Variants in IRAK4 observed in about 807,000 individuals in gnomAD.
IRAK4 encodes interleukin-1 receptor-associated kinase 4.
A neutral mutation model predicts 51.8 loss-of-function variants in IRAK4; 44 were observed. That is an observed-to-expected ratio of 0.85 (90% CI 0.67 to 1.09). IRAK4 has a LOEUF of 1.09. Among genes scored for constraint, IRAK4 ranks in the 50% least tolerant of loss-of-function variants. The pLI is 0.00. For missense variants in IRAK4, 487 were observed against 538.0 expected (o/e 0.91, Z 0.94); for synonymous variants, 149 against 174.1 (o/e 0.86, Z 1.13).
Position 43,786,740 on chromosome 12 carries a change from CTT to C in IRAK4, c.*29_*30del. On this transcript the variant is annotated 3_prime_UTR_variant, in exon 12 of 12. Coordinates refer to ENST00000613694, the MANE Select transcript of IRAK4 (RefSeq NM_016123.4). ...AAACTTTATTGGAAAAGACTCTTGA[CTT>C]TTTATATACACCTATCTCAACCATT... is the stretch of plus-strand genomic sequence containing the variant. The C allele has an allele frequency of 6.3e-7, 1 of 1,595,662 alleles. No individual in the cohort carries two copies. Among genetic ancestry groups the C allele is most frequent in the Non-Finnish European group, 8.6e-7 (1 of 1,163,614 alleles).
chr12:43,761,213 C>A (rs1361368769), intron 1 of IRAK4, among the ~76,000 whole-genome samples: 4 of 152,080 alleles, frequency 2.6e-5, no homozygotes, highest in Non-Finnish European at 5.9e-5. Context: ...GGTTATACAG[C>A]ATATTTTGCT....
In IRAK4 at chr12:43,789,350, C is replaced by G. The variant is rs1942413624; in HGVS notation, c.*2635C>G. The stretch of plus-strand genomic sequence containing the variant: ...ATTGTGATTGTAACCTTCCTGGGGC[C>G]TTCATCAAAGGCCAGGCAAATATTG... On this transcript the variant is annotated 3_prime_UTR_variant, in exon 12 of 12. Coordinates refer to ENST00000613694, the MANE Select transcript of IRAK4 (RefSeq NM_016123.4). 6.6e-6 allele frequency: 1 copy of G among 152,106 alleles called. No homozygotes were observed. Among genetic ancestry groups the G allele is most frequent in the Non-Finnish European group, 1.5e-5 (1 of 68,026 alleles). The allele number at this position is 152,106 out of a possible 1,614,324, so 9.4% of individuals were successfully genotyped here. A position where few individuals can be genotyped will look rare whatever the true frequency, so the allele number is the denominator to read the frequency against.
At chr12:43,766,485 G>A (rs1235537914) in intron 1 of IRAK4, among the ~76,000 whole-genome samples, 1 of 151,766 alleles carries the variant, frequency 6.6e-6, no homozygotes, top group Non-Finnish European at 1.5e-5. Flanking sequence ...TGTATCCCCT[G>A]GTATACTGAA....
intron 1 of IRAK4, among the ~76,000 whole-genome samples, chr12:43,761,369 C>T (rs959900229): frequency 2.6e-5 from 4 of 152,158 alleles, no homozygotes; most frequent in African/African-American, 9.7e-5. Context: ...TAGATCCTCA[C>T]TACTGTTCTG....
intron 5 of IRAK4, among the ~76,000 whole-genome samples, chr12:43,773,514 G>A (rs1339262286): frequency 6.6e-6 from 1 of 152,048 alleles, no homozygotes; most frequent in Non-Finnish European, 1.5e-5. Context: ...CTACTGAGGT[G>A]TTTACCTTTT....
intron 1 of IRAK4, among the ~76,000 whole-genome samples, chr12:43,765,384 C>G (rs768936637): frequency 2.0e-5 from 3 of 152,160 alleles, no homozygotes; most frequent in Non-Finnish European, 4.4e-5. Context: ...AAATGAGTTA[C>G]TGATTTGTAC....
rs4251583 is a variant in IRAK4 at position 43,783,705 on chromosome 12, A to G, written c.1169A>G (p.His390Arg). ...IITGLPAVDE[H>R]REPQLLLDIK... ...ACTGGACTTCCAGCTGTGGATGAAC[A>G]CCGTGAACCTCAGTTATTGGTAAAT... The change falls in exon 10 of 12, where the codon CAC (histidine) becomes CGC (arginine). Residue 390 changes from histidine (H) to arginine (R), a missense_variant. Coordinates refer to ENST00000613694, the MANE Select transcript of IRAK4 (RefSeq NM_016123.4). 5.1e-4 allele frequency: 812 copies of G among 1,607,674 alleles called. 3 individuals are homozygous for G. In the Admixed American group the frequency reaches 5.6e-3, roughly 11 times the overall value.
intron 8 of IRAK4, 37 bp downstream of exon 8, chr12:43,778,339 C>A: frequency 8.9e-7 from 1 of 1,129,676 alleles, no homozygotes; most frequent in Non-Finnish European, 1.4e-6. Flanking sequence ...GGAAAGCTGT[C>A]TTTAAAGAAT....
In IRAK4 at chr12:43,777,720, A is replaced by C. The variant is rs754184412; in HGVS notation, c.807A>C (p.Ser269=). 1 of 1,612,868 alleles carries C rather than the reference A, an allele frequency of 6.2e-7. No homozygotes were observed. The highest frequency in any genetic ancestry group is 1.1e-5 in the South Asian group (1 of 91,032). ...TATATGTTTACATGCCTAATGGTTC[A>C]TTGCTAGACAGACTCTCTTGCTTGG... ...CLVYVYMPNG[S]LLDRLSCLDG... Residue 269 remains serine (S), a synonymous_variant, in exon 7 of 12, where the codon TCA becomes TCC. Transcript: ENST00000613694.
chr12:43,777,426 T>G (rs1321324224), intron 6 of IRAK4, among the ~76,000 whole-genome samples: 2 of 152,158 alleles, frequency 1.3e-5, no homozygotes, highest in African/African-American at 2.4e-5. Flanking sequence ...TAATGTTGAT[T>G]AATACTGGCT....
intron 6 of IRAK4, among the ~76,000 whole-genome samples, chr12:43,776,573 G>C (rs935672158): frequency 2.6e-5 from 4 of 152,232 alleles, no homozygotes; most frequent in Non-Finnish European, 5.9e-5. Context: ...TTTCTAGGCT[G>C]TCATGTTTAC....
rs1027861811 is a variant in IRAK4 at position 43,786,393 on chromosome 12, T to G, written c.1189-6T>G. 6.4e-7 allele frequency: 1 copy of G among 1,555,690 alleles called. No individual in the cohort carries two copies. Among genetic ancestry groups the G allele is most frequent in the Non-Finnish European group, 8.8e-7 (1 of 1,139,022 alleles). On this transcript the variant is annotated splice_region_variant and splice_polypyrimidine_tract_variant and intron_variant, in intron 10 of 11. Transcript: ENST00000613694. ...AGCTCTTAAAGTTTTAACACTCATT[T>G]TAAAGCTAGATATTAAAGAAGAAAT...
chr12:43,775,052 C>A (rs1941142314), intron 6 of IRAK4, among the ~76,000 whole-genome samples: 1 of 152,154 alleles, frequency 6.6e-6, no homozygotes, highest in South Asian at 2.1e-4. Flanking sequence ...GGAGCCTGAA[C>A]TTTAGATCTG....
At chr12:43,782,629 A>G in intron 9 of IRAK4, 139 bp downstream of exon 9, 1 of 707,174 alleles carries the variant, frequency 1.4e-6, no homozygotes, top group South Asian at 2.1e-5. Context: ...CTCTACTTAT[A>G]CCAGAAAGTT....
At chr12:43,783,771 TA>T (rs1221697952) in intron 10 of IRAK4, 47 bp downstream of exon 10, 1 of 1,275,500 alleles carries the variant, frequency 7.8e-7, no homozygotes, top group Non-Finnish European at 1.1e-6. Context: ...TCTGCTTTTG[TA>T]GTCTAAATTT....
chr12:43,772,993 A>G lies in IRAK4; in HGVS notation c.572A>G (p.Lys191Arg). Residue 191 changes from lysine to arginine, a missense_variant, in exon 5 of 12, where the codon AAA (lysine) becomes AGA (arginine). Coordinates refer to ENST00000613694, the MANE Select transcript of IRAK4 (RefSeq NM_016123.4). ...CGACCCATTTCTGTTGGTGGTAATA[A>G]AATGGGAGAGGGAGGATTTGGAGTT... is the stretch of plus-strand genomic sequence containing the variant. ...DERPISVGGNKMGEGGFGVVY... is the reference protein window; with the variant it reads ...DERPISVGGNRMGEGGFGVVY... 6.2e-7 allele frequency: 1 copy of G among 1,612,858 alleles called. No homozygotes were observed. Among genetic ancestry groups the G allele is most frequent in the South Asian group, 1.1e-5 (1 of 90,892 alleles).
chr12:43,771,000 G>A (rs949640056), intron 2 of IRAK4: 3 of 683,470 alleles, frequency 4.4e-6, no homozygotes, highest in East Asian at 5.6e-5. Flanking sequence ...ACATGCACGT[G>A]TGCATGCTCT....
At chr12:43,786,648 G>T (rs762428264) in intron 11 of IRAK4, 32 bp from the exon 12 acceptor site, 1 of 1,611,216 alleles carries the variant, frequency 6.2e-7, no homozygotes, top group Admixed American at 1.7e-5. Context: ...TGTATAATGT[G>T]GTTCTTTTGT....
intron 1 of IRAK4, chr12:43,759,466 C>T (rs1939192151): frequency 6.6e-6 from 1 of 152,212 alleles, no homozygotes; most frequent in Non-Finnish European, 1.5e-5. Context: ...CTCCAAGCTT[C>T]CAGGGAATTA....
Sources: allele counts gnomAD v4.1 joint callset (sites outside exome capture counted in the v4.1 genomes callset), GRCh38; gene constraint gnomAD v4.1.1; transcripts MANE v1.5; gene names NCBI Gene and HGNC (gene_info 2026-07-23, HGNC 2026-07-21).